Variants in RSPO2 observed in about 807,000 individuals in gnomAD.
RSPO2 encodes the protein R-spondin-2.
Under a neutral mutation model 30.9 loss-of-function variants are expected in RSPO2, and 14 were observed. That is an observed-to-expected ratio of 0.45 (90% CI 0.30 to 0.71). RSPO2 has a LOEUF of 0.71. RSPO2 is among the 30% of genes least tolerant of loss of function. The pLI is 0.08. For synonymous variants in RSPO2, 107 were observed against 96.4 expected (o/e 1.11, Z -0.64); for missense variants, 264 against 301.9 (o/e 0.87, Z 0.93).
chr8:107,935,178 C>T (rs10109561), intron 5 of RSPO2, among the ~76,000 whole-genome samples: 25 of 152,082 alleles, frequency 1.6e-4, no homozygotes, highest in African/African-American at 5.8e-4. Context: ...AAGGAACAGC[C>T]CTAAGAGAAT....
Position 107,974,714 on chromosome 8 carries a change from A to G in RSPO2, c.284-13897T>C, listed in dbSNP as rs1814147938. On this transcript the variant is annotated intron_variant, in intron 3 of 5. Transcript: ENST00000276659. ...AGAGACAGGGAGAGAGGGGAGAGGA[A>G]AAAGCAGGGAGGGGGGAAGAAGAAG... 2.6e-5 allele frequency among the ~76,000 whole-genome samples: 4 copies of G among 152,006 alleles called. 1 individual carries two copies. Among genetic ancestry groups the G allele is most frequent in the Admixed American group, 2.6e-4 (4 of 15,256 alleles).
chr8:107,981,977 A>T (rs1249871001), intron 3 of RSPO2, among the ~76,000 whole-genome samples: 2 of 143,114 alleles, frequency 1.4e-5, no homozygotes, highest in Non-Finnish European at 3.0e-5. Flanking sequence ...TTGAGGCTTC[A>T]TTGAGCTATG....
intron 2 of RSPO2, among the ~76,000 whole-genome samples, chr8:108,002,656 A>C (rs753127799): frequency 6.6e-5 from 10 of 152,170 alleles, no homozygotes; most frequent in Non-Finnish European, 1.0e-4. Flanking sequence ...AAAAACAATA[A>C]ATGGAAACAA....
At chr8:107,997,586 C>T (rs1180107505) in intron 2 of RSPO2, among the ~76,000 whole-genome samples, 1 of 152,084 alleles carries the variant, frequency 6.6e-6, no homozygotes, top group East Asian at 1.9e-4. Flanking sequence ...ACACATATCC[C>T]CTTGATGGGA....
intron 2 of RSPO2, among the ~76,000 whole-genome samples, chr8:108,029,378 T>C (rs1811342428): frequency 6.6e-6 from 1 of 152,142 alleles, no homozygotes; most frequent in Non-Finnish European, 1.5e-5. Context: ...ATGCTGTTTA[T>C]TGCTAACACC....
At chr8:107,923,586 A>G (rs762632999) in intron 5 of RSPO2, among the ~76,000 whole-genome samples, 1 of 152,128 alleles carries the variant, frequency 6.6e-6, no homozygotes, top group Non-Finnish European at 1.5e-5. Flanking sequence ...CCCAAAGAAT[A>G]TAAGTTGTTT....
intron 5 of RSPO2, among the ~76,000 whole-genome samples, chr8:107,938,199 TAA>T (rs1245464250): frequency 1.3e-5 from 2 of 152,274 alleles, no homozygotes; most frequent in Non-Finnish European, 2.9e-5. Flanking sequence ...TGCCTCTTTT[TAA>T]AGTCTTTGTG....
chr8:108,078,795 A>G (rs929585260), intron 2 of RSPO2, among the ~76,000 whole-genome samples: 1 of 152,256 alleles, frequency 6.6e-6, no homozygotes, highest in African/African-American at 2.4e-5. Context: ...GCCCCCTGCC[A>G]TCGGACCACC....
rs1586663205 is a variant in RSPO2 at position 108,056,239 on chromosome 8, C to CAAA, written c.94+26305_94+26306insTTT. ...CAGAGAAGTTACCTTAGGCTATGCC[C>CAAA]GGAGTCTTATGCTCCACAGATGCTG... On this transcript the variant is annotated intron_variant, in intron 2 of 5. Transcript: ENST00000276659. Among the ~76,000 whole-genome samples the CAAA allele has an allele frequency of 5.9e-5, 9 of 152,182 alleles. No individual in the cohort carries two copies. The East Asian group carries it at 1.7e-3, about 29-fold the overall frequency.
chr8:107,967,774 G>T (rs1455475107), intron 3 of RSPO2, among the ~76,000 whole-genome samples: 2 of 152,102 alleles, frequency 1.3e-5, no homozygotes, highest in Non-Finnish European at 2.9e-5. Context: ...AGAGCAAGGG[G>T]CAGGAAATAA....
intron 2 of RSPO2, among the ~76,000 whole-genome samples, chr8:108,064,763 G>T (rs1488893940): frequency 6.6e-6 from 1 of 152,098 alleles, no homozygotes; most frequent in Non-Finnish European, 1.5e-5. Flanking sequence ...GCAAATACTT[G>T]GAACCAACCC....
At chr8:108,064,372 A>T (rs10104438) in intron 2 of RSPO2, among the ~76,000 whole-genome samples, 2 of 152,068 alleles carry the variant, frequency 1.3e-5, no homozygotes, top group African/African-American at 2.4e-5. Context: ...GGATATGAAC[A>T]GATACTTCTC....
At chr8:108,078,092 T>C (rs922947528) in intron 2 of RSPO2, among the ~76,000 whole-genome samples, 9 of 152,194 alleles carry the variant, frequency 5.9e-5, no homozygotes, top group African/African-American at 2.2e-4. Context: ...ACTAGAAGTG[T>C]CATTTCCAAC....
chr8:107,947,098 AT>A (rs1442857800), intron 5 of RSPO2, among the ~76,000 whole-genome samples: 1 of 152,242 alleles, frequency 6.6e-6, no homozygotes, highest in East Asian at 1.9e-4. Flanking sequence ...TGAACACAGC[AT>A]TTAACTCAGA....
intron 2 of RSPO2, chr8:107,989,506 C>G: frequency 2.6e-6 from 1 of 387,062 alleles, no homozygotes; most frequent in Non-Finnish European, 4.5e-6. Context: ...GGATGTCAGA[C>G]CAGACAGAGG....
chr8:107,931,673 T>C (rs532082624), intron 5 of RSPO2, among the ~76,000 whole-genome samples: 32 of 152,282 alleles, frequency 2.1e-4, no homozygotes, highest in African/African-American at 5.8e-4. Flanking sequence ...TTCTGTACTA[T>C]AAGAGCAAGG....
At chr8:107,951,642 G>C (rs1024174437) in intron 5 of RSPO2, among the ~76,000 whole-genome samples, 1 of 152,136 alleles carries the variant, frequency 6.6e-6, no homozygotes, top group Non-Finnish European at 1.5e-5. Flanking sequence ...TGCTGCCCCA[G>C]ACTACATTGA....
intron 2 of RSPO2, among the ~76,000 whole-genome samples, chr8:108,040,103 C>A (rs566331162): frequency 4.6e-5 from 7 of 152,086 alleles, no homozygotes; most frequent in Non-Finnish European, 1.0e-4. Flanking sequence ...TAAAGACATC[C>A]TTTCTCACTG....
At chr8:107,984,815 C>T (rs1036578689) in intron 3 of RSPO2, among the ~76,000 whole-genome samples, 4 of 152,044 alleles carry the variant, frequency 2.6e-5, no homozygotes, top group Admixed American at 6.6e-5. Flanking sequence ...GTTTTGTTTA[C>T]AAGTCAGGAT....
Sources: allele counts gnomAD v4.1 joint callset (sites outside exome capture counted in the v4.1 genomes callset), GRCh38; gene constraint gnomAD v4.1.1; transcripts MANE v1.5; gene names NCBI Gene and HGNC (gene_info 2026-07-23, HGNC 2026-07-21).